TFEC: variants seen among roughly 807,000 people sequenced by gnomAD.
The protein encoded by TFEC is class E basic helix-loop-helix protein 34.
Under a neutral mutation model 41.6 loss-of-function variants are expected in TFEC, and 31 were observed. The ratio of observed to expected loss-of-function variants is 0.74; its 90% CI spans 0.56 to 1.01. The LOEUF (loss-of-function observed/expected upper bound fraction) is 1.01. TFEC is among the 50% of genes least tolerant of loss of function. The pLI is 0.00. For synonymous variants in TFEC, 143 were observed against 140.6 expected, an observed-to-expected ratio of 1.02 and a Z score of -0.12; for missense variants, 402 against 404.1, an observed-to-expected ratio of 0.99 and a Z score of 0.04.
At chr7:116,010,141 A>C (rs377174034) in intron 1 of TFEC, among the ~76,000 whole-genome samples, 210 of 152,304 alleles carry the variant, frequency 1.4e-3, no homozygotes, top group African/African-American at 4.7e-3. Context: ...TAGAGCAGAA[A>C]AATAATGACA....
At chr7:116,127,129 C>G (rs1040755818) in intron 1 of TFEC, among the ~76,000 whole-genome samples, 8 of 150,862 alleles carry the variant, frequency 5.3e-5, no homozygotes, top group Non-Finnish European at 7.4e-5. Flanking sequence ...ACGGAGTCTG[C>G]ACTCCACCCA....
intron 3 of TFEC, among the ~76,000 whole-genome samples, chr7:115,961,336 T>G (rs192234539): frequency 6.6e-6 from 1 of 151,534 alleles, no homozygotes; most frequent in African/African-American, 2.4e-5. Context: ...AAGTTTAAGA[T>G]GAAATCATAG....
upstream of TFEC, among the ~76,000 whole-genome samples, chr7:116,034,942 C>T (rs550233135): frequency 3.4e-4 from 51 of 151,714 alleles, no homozygotes; most frequent in East Asian, 7.8e-4. Flanking sequence ...CTCTTGTCTC[C>T]CCCATCTTCC....
At chr7:116,063,897 A>C (rs779758488) in intron 3 of TFEC, among the ~76,000 whole-genome samples, 23 of 152,188 alleles carry the variant, frequency 1.5e-4, no homozygotes, top group Non-Finnish European at 2.1e-4. Context: ...TAACGCTACA[A>C]TGAACATGGG....
At chr7:116,050,926 A>T (rs1796294243) in intron 3 of TFEC, among the ~76,000 whole-genome samples, 1 of 152,252 alleles carries the variant, frequency 6.6e-6, no homozygotes, top group Non-Finnish European at 1.5e-5. Context: ...GACTGGATTA[A>T]GAAAATGTGG....
At chr7:115,980,265 G>A (rs573756293) in intron 2 of TFEC, among the ~76,000 whole-genome samples, 2 of 152,004 alleles carry the variant, frequency 1.3e-5, no homozygotes, top group African/African-American at 4.8e-5. Flanking sequence ...TCTCTCTACT[G>A]TCCATCTGGT....
intron 3 of TFEC, among the ~76,000 whole-genome samples, chr7:115,968,484 T>A (rs749441420): frequency 2.6e-5 from 4 of 151,856 alleles, no homozygotes; most frequent in Non-Finnish European, 4.4e-5. Context: ...AACAGTTTAC[T>A]TAGACTACCA....
intron 1 of TFEC, among the ~76,000 whole-genome samples, chr7:116,131,154 TA>T (rs1351212187): frequency 6.6e-6 from 1 of 152,216 alleles, no homozygotes; most frequent in Non-Finnish European, 1.5e-5. Context: ...AGTTGATTTA[TA>T]AATAATTATT....
At chr7:115,959,663 G>C (rs1265905934) in intron 3 of TFEC, among the ~76,000 whole-genome samples, 1 of 150,880 alleles carries the variant, frequency 6.6e-6, no homozygotes, top group Non-Finnish European at 1.5e-5. Flanking sequence ...AGAGACCAAG[G>C]AGAAATGAGA....
intron 2 of TFEC, chr7:116,111,939 T>C (rs189869054): frequency 1.1e-6 from 1 of 900,330 alleles, no homozygotes; most frequent in Non-Finnish European, 1.3e-6. Context: ...TTGAATAAAC[T>C]TGTGGTCTTG....
intron 1 of TFEC, among the ~76,000 whole-genome samples, chr7:115,988,383 A>C (rs1467268290): frequency 2.0e-5 from 3 of 152,170 alleles, no homozygotes; most frequent in Non-Finnish European, 4.4e-5. Flanking sequence ...AAGAAAAAAA[A>C]CAAAAAGGAA....
intron 1 of TFEC, among the ~76,000 whole-genome samples, chr7:116,128,549 A>G (rs888950240): frequency 1.3e-5 from 2 of 152,154 alleles, no homozygotes; most frequent in Non-Finnish European, 2.9e-5. Flanking sequence ...AAAAATAACT[A>G]ATTTTTATTT....
In TFEC at chr7:115,954,052, G is replaced by C. The variant is rs1456146166; in HGVS notation, c.439+534C>G. ...CGCTGCCAATCTACTTTTCTTGCCC[G>C]ATTTCTCCATCTCATATGACCTGTT... On this transcript the variant is annotated intron_variant, in intron 5 of 7. Transcript: ENST00000265440. 5.3e-5 allele frequency among the ~76,000 whole-genome samples: 8 copies of C among 151,924 alleles called. 1 individual carries two copies. Among genetic ancestry groups the C allele is most frequent in the Non-Finnish European group, 1.2e-4 (8 of 67,980 alleles).
At chr7:115,972,333 A>G (rs1210659279) in intron 3 of TFEC, among the ~76,000 whole-genome samples, 1 of 152,128 alleles carries the variant, frequency 6.6e-6, no homozygotes, top group Non-Finnish European at 1.5e-5. Flanking sequence ...ATATCAATTA[A>G]AACAGCCTTC....
chr7:115,977,909 AACAT>A (rs1793456512), intron 2 of TFEC, among the ~76,000 whole-genome samples: 1 of 73,798 alleles, frequency 1.4e-5, no homozygotes, highest in African/African-American at 6.4e-5. Flanking sequence ...TGTAGAAAAA[AACAT>A]AATGATGACT....
intron 3 of TFEC, among the ~76,000 whole-genome samples, chr7:116,058,717 T>C (rs1796484829): frequency 6.6e-6 from 1 of 151,754 alleles, no homozygotes; most frequent in Non-Finnish European, 1.5e-5. Context: ...TAATTAAATT[T>C]TAAACAAACA....
chr7:115,998,176 G>C (rs1022578681), intron 1 of TFEC, among the ~76,000 whole-genome samples: 1 of 151,754 alleles, frequency 6.6e-6, no homozygotes, highest in African/African-American at 2.4e-5. Flanking sequence ...AACACCAAAG[G>C]TCAAGAATAA....
At chr7:116,072,018 G>T (rs1796841227) in intron 3 of TFEC, among the ~76,000 whole-genome samples, 1 of 151,338 alleles carries the variant, frequency 6.6e-6, no homozygotes, top group African/African-American at 2.4e-5. Flanking sequence ...CCAAAGATTA[G>T]CCCCATTCTG....
At chr7:116,134,165 AAG>A (rs1231862773) in intron 1 of TFEC, among the ~76,000 whole-genome samples, 5 of 152,214 alleles carry the variant, frequency 3.3e-5, no homozygotes, top group Non-Finnish European at 5.9e-5. Context: ...CATACATTAA[AAG>A]AAATAAAATT....
Sources: gnomAD v4.1 joint callset for allele counts (sites outside exome capture counted in the v4.1 genomes callset) on GRCh38, gnomAD v4.1.1 for gene constraint, MANE v1.5 for transcripts, NCBI Gene and HGNC (gene_info 2026-07-23, HGNC 2026-07-21) for gene names.